RASGRF2: variants seen among roughly 807,000 people sequenced by gnomAD.
RASGRF2 encodes Ras protein specific guanine nucleotide releasing factor 2.
In RASGRF2, 76 loss-of-function variants were observed where a neutral mutation model predicts 151.0. That is an observed-to-expected ratio of 0.50 (90% CI 0.42 to 0.61). The LOEUF (loss-of-function observed/expected upper bound fraction) is 0.61, where lower values mean the gene tolerates loss of function less well. Among genes scored for constraint, RASGRF2 ranks in the 20% least tolerant of loss-of-function variants. The pLI, the probability that RASGRF2 is intolerant of heterozygous loss-of-function variation, is 0.00. For synonymous variants in RASGRF2, 504 were observed against 566.5 expected, an observed-to-expected ratio of 0.89 and a Z score of 1.57; for missense variants, 1,148 against 1,564.6, an observed-to-expected ratio of 0.73 and a Z score of 4.49.
At chr5:81,029,709 G>A (rs937778294) in intron 1 of RASGRF2, among the ~76,000 whole-genome samples, 4 of 152,222 alleles carry the variant, frequency 2.6e-5, no homozygotes, top group Non-Finnish European at 4.4e-5. Context: ...AACAAGAGCA[G>A]AAAAGCTGAA....
intron 3 of RASGRF2, chr5:81,070,187 C>A (rs905330897): frequency 2.1e-5 from 7 of 329,110 alleles, no homozygotes; most frequent in African/African-American, 1.5e-4. Context: ...CACTGGACTC[C>A]TGACAAGGTC....
intron 15 of RASGRF2, among the ~76,000 whole-genome samples, chr5:81,120,017 G>C (rs946790775): frequency 6.6e-6 from 1 of 152,032 alleles, no homozygotes; most frequent in African/African-American, 2.4e-5. Flanking sequence ...GGTGAAGCCC[G>C]TAGAGCCAAC....
chr5:81,204,886 C>T (rs984309443), intron 19 of RASGRF2, among the ~76,000 whole-genome samples: 7 of 152,164 alleles, frequency 4.6e-5, no homozygotes, highest in Non-Finnish European at 1.0e-4. Context: ...TGGGAGCTAA[C>T]TAACTTTTTG....
chr5:80,999,909 A>G (rs1289197283), intron 1 of RASGRF2, among the ~76,000 whole-genome samples: 1 of 152,218 alleles, frequency 6.6e-6, no homozygotes, highest in Non-Finnish European at 1.5e-5. Context: ...TTAGCAGTTT[A>G]AAACATCAAT....
At chr5:80,963,998 C>A (rs1747644266) in intron 1 of RASGRF2, among the ~76,000 whole-genome samples, 1 of 110,974 alleles carries the variant, frequency 9.0e-6, no homozygotes, top group African/African-American at 4.3e-5. Context: ...CAAAAAAATC[C>A]GTTTTTTTTT....
intron 11 of RASGRF2, 51 bp downstream of exon 11, chr5:81,094,413 G>A: frequency 6.6e-7 from 1 of 1,519,460 alleles, no homozygotes; most frequent in East Asian, 2.3e-5. Flanking sequence ...AGGCGGGAGA[G>A]AGAGGCTGAG....
intron 18 of RASGRF2, among the ~76,000 whole-genome samples, chr5:81,186,669 G>A (rs1222874468): frequency 6.6e-6 from 1 of 152,124 alleles, no homozygotes; most frequent in African/African-American, 2.4e-5. Context: ...ATAGTCTGAG[G>A]TAGAAGACAG....
At chr5:81,219,924 TA>T (rs34019036) in intron 26 of RASGRF2, 146 bp downstream of exon 26, 72,433 of 359,598 alleles carry the variant, frequency 0.2, 89 homozygotes, top group Middle Eastern at 0.26. Context: ...CTAGTCTGAT[TA>T]AAAAAAAAAA....
intron 13 of RASGRF2, among the ~76,000 whole-genome samples, chr5:81,111,830 G>A (rs1753003436): frequency 6.6e-6 from 1 of 152,156 alleles, no homozygotes; most frequent in South Asian, 2.1e-4. Flanking sequence ...AAGGGGAGGG[G>A]TGAGGAAAGC....
At chr5:81,180,674 C>A in intron 18 of RASGRF2, among the ~76,000 whole-genome samples, 1 of 126,596 alleles carries the variant, frequency 7.9e-6, no homozygotes, top group Admixed American at 8.6e-5. Flanking sequence ...GTGGTATCCC[C>A]GCCCCCCACC....
At chr5:81,211,308 G>A (rs1006162890) in intron 22 of RASGRF2, among the ~76,000 whole-genome samples, 4 of 151,888 alleles carry the variant, frequency 2.6e-5, no homozygotes, top group Admixed American at 1.3e-4. Flanking sequence ...ATGTATCTGC[G>A]ACCCTCCCCT....
chr5:81,207,669 G>C (rs911912266), intron 21 of RASGRF2, among the ~76,000 whole-genome samples: 2 of 152,220 alleles, frequency 1.3e-5, no homozygotes, highest in Non-Finnish European at 2.9e-5. Flanking sequence ...GTTTCTTGCT[G>C]TGTCTGGTGA....
At chr5:81,105,839 G>A (rs1237046655) in intron 12 of RASGRF2, among the ~76,000 whole-genome samples, 4 of 152,084 alleles carry the variant, frequency 2.6e-5, no homozygotes, top group African/African-American at 9.7e-5. Context: ...GGAAGAACAG[G>A]GATGATGTTA....
At chr5:81,030,588 A>T (rs543746375) in intron 1 of RASGRF2, among the ~76,000 whole-genome samples, 1 of 152,328 alleles carries the variant, frequency 6.6e-6, no homozygotes, top group African/African-American at 2.4e-5. Context: ...TCCTTTGCAG[A>T]TAAGCAAATG....
intron 15 of RASGRF2, among the ~76,000 whole-genome samples, chr5:81,117,659 C>T (rs1753196580): frequency 6.6e-6 from 1 of 152,132 alleles, no homozygotes; most frequent in South Asian, 2.1e-4. Context: ...CCAATAGCCC[C>T]CAAAGTCTTA....
In RASGRF2 at chr5:81,134,348, G is replaced by A. The variant is rs182178604; in HGVS notation, c.2686+7185G>A. Among the ~76,000 whole-genome samples, 281 of 151,920 alleles carry A rather than the reference G, an allele frequency of 1.8e-3. 1 individual carries two copies. Among genetic ancestry groups the A allele is most frequent in the Admixed American group, 5.3e-3 (81 of 15,254 alleles). ...ATTCAGTGTTTTAGGTGTAGATATGGTAGGTGGGCTGGATGTGAGGAGTGC... is the reference window on the plus strand; with the variant it reads ...ATTCAGTGTTTTAGGTGTAGATATGATAGGTGGGCTGGATGTGAGGAGTGC... On this transcript the variant is annotated intron_variant, in intron 17 of 26. Coordinates refer to ENST00000265080, the MANE Select transcript of RASGRF2 (RefSeq NM_006909.3).
chr5:81,198,121 A>ATT (rs35550776), intron 18 of RASGRF2, among the ~76,000 whole-genome samples: 3 of 149,712 alleles, frequency 2.0e-5, no homozygotes, highest in Middle Eastern at 3.5e-3. Flanking sequence ...AAAACCTGTT[A>ATT]TTTTTTTTTT....
At chr5:81,197,630 A>G (rs1200271092) in intron 18 of RASGRF2, among the ~76,000 whole-genome samples, 1 of 152,160 alleles carries the variant, frequency 6.6e-6, no homozygotes, top group Non-Finnish European at 1.5e-5. Context: ...ATATAGTAAA[A>G]TCTTGCTCTT....
chr5:81,002,904 A>T (rs1357953238), intron 1 of RASGRF2, among the ~76,000 whole-genome samples: 1 of 152,158 alleles, frequency 6.6e-6, no homozygotes, highest in Non-Finnish European at 1.5e-5. Context: ...TGGGGAAAAA[A>T]TGCCTTTTGG....
Sources: gnomAD v4.1 joint callset for allele counts (sites outside exome capture counted in the v4.1 genomes callset) on GRCh38, gnomAD v4.1.1 for gene constraint, MANE v1.5 for transcripts, NCBI Gene and HGNC (gene_info 2026-07-23, HGNC 2026-07-21) for gene names.